The following PRORP variants were observed in gnomAD, a reference collection of about 807,000 sequenced individuals.
The protein encoded by PRORP is protein only RNase P catalytic subunit.
A neutral mutation model predicts 59.4 loss-of-function variants in PRORP; 51 were observed. That is an observed-to-expected ratio of 0.86 (90% CI 0.69 to 1.08). PRORP has a LOEUF of 1.08. PRORP is among the 50% of genes least tolerant of loss of function. PRORP has a pLI of 0.00. For missense variants in PRORP, 646 were observed against 690.3 expected (o/e 0.94, Z 0.72); for synonymous variants, 231 against 245.6 (o/e 0.94, Z 0.55).
At chr14:35,219,076 T>A (rs958027168) in intron 5 of PRORP, 2 of 152,186 alleles carry the variant, frequency 1.3e-5, no homozygotes, top group Admixed American at 6.6e-5. Flanking sequence ...AGAACAAATA[T>A]ATACAGGAGA....
rs143028211 is a variant in PRORP, at chr14:35,264,692, T to C, written c.1276-2035T>C. Among the ~76,000 whole-genome samples the C allele has an allele frequency of 8.6e-3, 1,306 of 152,262 alleles. 28 individuals are homozygous for C. The highest frequency in any genetic ancestry group is 0.029 in the African/African-American group (1,204 of 41,568). On this transcript the variant is annotated intron_variant, in intron 5 of 7. Transcript: ENST00000534898. ...GCAATAAACAGTAATATTTTTAAAATTCAGCTGGCCAGGCACAGTGGCTCA... is the reference window on the plus strand; with the variant it reads ...GCAATAAACAGTAATATTTTTAAAACTCAGCTGGCCAGGCACAGTGGCTCA...
At chr14:35,135,162 T>C (rs935976714) in intron 4 of PRORP, among the ~76,000 whole-genome samples, 8 of 152,180 alleles carry the variant, frequency 5.3e-5, no homozygotes, top group African/African-American at 1.9e-4. Flanking sequence ...TGCAGGGGGA[T>C]GGGAGAGGAA....
Position 35,123,832 on chromosome 14 carries a change from A to C in PRORP, c.587A>C (p.Asp196Ala). Residue 196 changes from aspartate to alanine, a missense_variant, in exon 2 of 8, where the codon GAT becomes GCT. Asp to Ala is a moderately radical substitution (Grantham distance 126). Coordinates refer to ENST00000534898, the MANE Select transcript of PRORP (RefSeq NM_014672.4). Reference protein sequence around the residue: ...VFHMQTSEVIDVFEIMKARYK... With the variant: ...VFHMQTSEVIAVFEIMKARYK... Reference sequence around the variant, plus strand: ...CATATGCAGACATCTGAAGTTATTGATGTCTTTGAAATTATGAAAGCCAGA... The same window carrying C: ...CATATGCAGACATCTGAAGTTATTGCTGTCTTTGAAATTATGAAAGCCAGA... 3.7e-6 allele frequency: 6 copies of C among 1,614,130 alleles called. No homozygotes were observed. The highest frequency in any genetic ancestry group is 5.1e-6 in the Non-Finnish European group (6 of 1,180,014).
At position 35,276,789 on chromosome 14, in the gene PRORP, A is replaced by G. The variant is rs1182363855; in HGVS notation, c.*3223A>G. ...GACTTTGCCACTTAAAAGTATTTCT[A>G]AAATACTTTGTGCTTCCCCCTTGCA... On this transcript the variant is annotated 3_prime_UTR_variant, in exon 8 of 8. Transcript: ENST00000534898. 1 of 152,186 alleles carries G rather than the reference A, an allele frequency of 6.6e-6. No homozygotes were observed. Among genetic ancestry groups the G allele is most frequent in the East Asian group, 1.9e-4 (1 of 5,192 alleles). The allele number at this position is 152,186 out of a possible 1,614,324, so 9.4% of individuals were successfully genotyped here.
At chr14:35,173,637 C>T (rs2048372900) in intron 4 of PRORP, among the ~76,000 whole-genome samples, 1 of 152,094 alleles carries the variant, frequency 6.6e-6, no homozygotes, top group African/African-American at 2.4e-5. Flanking sequence ...TGCTTGATTT[C>T]CAGCTGTTCC....
chr14:35,155,122 G>A (rs2047880619), intron 4 of PRORP, among the ~76,000 whole-genome samples: 1 of 152,084 alleles, frequency 6.6e-6, no homozygotes. Flanking sequence ...TCGAACTCGT[G>A]GGCTCAAGTG....
At chr14:35,220,279 A>T (rs1165928651) in intron 5 of PRORP, among the ~76,000 whole-genome samples, 1 of 152,214 alleles carries the variant, frequency 6.6e-6, no homozygotes, top group Non-Finnish European at 1.5e-5. Flanking sequence ...TCGTCATTTT[A>T]TGTCAATATA....
At chr14:35,265,260 C>A (rs898435772) in intron 5 of PRORP, among the ~76,000 whole-genome samples, 4 of 152,116 alleles carry the variant, frequency 2.6e-5, no homozygotes, top group Non-Finnish European at 5.9e-5. Flanking sequence ...TTCTGCAAGA[C>A]CTTTCAACTT....
At chr14:35,195,933 T>C (rs956016106) in intron 5 of PRORP, among the ~76,000 whole-genome samples, 1 of 152,198 alleles carries the variant, frequency 6.6e-6, no homozygotes, top group African/African-American at 2.4e-5. Flanking sequence ...AAGAAACATA[T>C]GTTAAGGAGT....
intron 5 of PRORP, among the ~76,000 whole-genome samples, chr14:35,243,910 A>G (rs1458560312): frequency 2.6e-5 from 4 of 152,232 alleles, no homozygotes; most frequent in Non-Finnish European, 5.9e-5. Context: ...GGTGAAAAAA[A>G]TGGAAGACTC....
chr14:35,167,962 A>G (rs1250919454), intron 4 of PRORP, among the ~76,000 whole-genome samples: 3 of 152,238 alleles, frequency 2.0e-5, no homozygotes, highest in Non-Finnish European at 2.9e-5. Flanking sequence ...TTAGAAGAAA[A>G]GGAGTATTAA....
At chr14:35,194,943 A>G (rs559820888) in intron 5 of PRORP, among the ~76,000 whole-genome samples, 8 of 151,944 alleles carry the variant, frequency 5.3e-5, no homozygotes, top group Non-Finnish European at 8.8e-5. Context: ...ATAATTAAGA[A>G]GGCAAGAAAA....
chr14:35,122,301 A>C (rs1253904001), upstream of PRORP: 1 of 299,738 alleles, frequency 3.3e-6, no homozygotes, highest in Non-Finnish European at 6.5e-6. Flanking sequence ...CACGTGACCC[A>C]GGAGTTCATT....
chr14:35,197,113 A>AT (rs1449861613), intron 5 of PRORP, among the ~76,000 whole-genome samples: 2 of 152,178 alleles, frequency 1.3e-5, no homozygotes, highest in Non-Finnish European at 2.9e-5. Flanking sequence ...CCAAGCTCCC[A>AT]TATCTTTTCT....
chr14:35,270,204 T>C (rs970553116), intron 6 of PRORP, among the ~76,000 whole-genome samples, 197 bp from the exon 7 acceptor site: 2 of 152,228 alleles, frequency 1.3e-5, no homozygotes, highest in African/African-American at 4.8e-5. Context: ...TCTGTTCCCC[T>C]CAGCTTTCCA....
chr14:35,271,649 G>A (rs142128796), intron 7 of PRORP, among the ~76,000 whole-genome samples: 26 of 152,290 alleles, frequency 1.7e-4, no homozygotes, highest in Middle Eastern at 3.4e-3. Flanking sequence ...CACATCTTGT[G>A]TGAAAGCAAA....
intron 4 of PRORP, among the ~76,000 whole-genome samples, chr14:35,172,156 C>G (rs1389665217): frequency 1.3e-5 from 2 of 150,234 alleles, no homozygotes; most frequent in Admixed American, 6.7e-5. Context: ...TCAAGTGATT[C>G]TCCTGCCTCA....
intron 5 of PRORP, among the ~76,000 whole-genome samples, chr14:35,257,775 GC>G (rs1234408604): frequency 6.6e-6 from 1 of 152,158 alleles, no homozygotes; most frequent in East Asian, 1.9e-4. Flanking sequence ...TTTCTGAACA[GC>G]TACAATCCAT....
intron 4 of PRORP, among the ~76,000 whole-genome samples, chr14:35,173,806 G>A (rs1391479390): frequency 6.6e-6 from 1 of 151,922 alleles, no homozygotes; most frequent in South Asian, 2.1e-4. Context: ...GTGGTTCTAG[G>A]GGTTGATGAG....
Sources: gnomAD v4.1 joint callset for allele counts (sites outside exome capture counted in the v4.1 genomes callset) on GRCh38, gnomAD v4.1.1 for gene constraint, MANE v1.5 for transcripts, NCBI Gene and HGNC (gene_info 2026-07-23, HGNC 2026-07-21) for gene names.